The following EGFLAM variants were observed in gnomAD, a reference collection of about 807,000 sequenced individuals.
EGFLAM encodes the protein EGF like, fibronectin type III and laminin G domains.
EGFLAM carries 79 observed loss-of-function variants against 113.1 expected under a neutral mutation model. That is an observed-to-expected ratio of 0.70 (90% confidence interval 0.58 to 0.84). The LOEUF (loss-of-function observed/expected upper bound fraction) is 0.84, where lower values mean the gene tolerates loss of function less well. Ranked by LOEUF, EGFLAM falls within the 40% of genes least tolerant of loss-of-function variation. EGFLAM has a pLI of 0.00. For synonymous variants in EGFLAM, 504 were observed against 487.6 expected, an observed-to-expected ratio of 1.03 and a Z score of -0.44; for missense variants, 1,265 against 1,291.6, an observed-to-expected ratio of 0.98 and a Z score of 0.32.
In EGFLAM at chr5:38,445,692, C is replaced by T. The variant is rs116701004; in HGVS notation, c.2465-2609C>T. On this transcript the variant is annotated intron_variant, in intron 17 of 21. Coordinates refer to ENST00000322350, the MANE Select transcript of EGFLAM (RefSeq NM_152403.4). ...GGCACCGGGCAGAGTGTGGGAACTACTGCCTCAATAGTAAGTACAGTAAGT... is the reference window on the plus strand; with the variant it reads ...GGCACCGGGCAGAGTGTGGGAACTATTGCCTCAATAGTAAGTACAGTAAGT... 503 of 1,598,478 alleles carry T rather than the reference C, an allele frequency of 3.1e-4. 1 individual carries two copies. The African/African-American group carries it at 6.3e-3, about 20-fold the overall frequency.
intron 6 of EGFLAM, chr5:38,403,941 C>T: frequency 6.2e-7 from 1 of 1,613,082 alleles, no homozygotes; most frequent in South Asian, 1.1e-5. Context: ...AGGTGGACTA[C>T]TTTAAATAAA....
intron 1 of EGFLAM, among the ~76,000 whole-genome samples, chr5:38,292,848 C>T (rs1252580641): frequency 6.6e-6 from 1 of 152,146 alleles, no homozygotes; most frequent in East Asian, 1.9e-4. Flanking sequence ...ATAATTATTA[C>T]ACTAGATGAG....
intron 6 of EGFLAM, 58 bp from the exon 7 acceptor site, chr5:38,406,068 G>A: frequency 7.3e-7 from 1 of 1,377,224 alleles, no homozygotes; most frequent in Non-Finnish European, 1.0e-6. Flanking sequence ...AGTTAGGCTA[G>A]ACAATAGTGC....
At chr5:38,323,825 G>A (rs1738803251) in intron 1 of EGFLAM, among the ~76,000 whole-genome samples, 1 of 152,078 alleles carries the variant, frequency 6.6e-6, no homozygotes, top group Admixed American at 6.6e-5. Context: ...AAGGTGGGCG[G>A]ATCACTTGAG....
At chr5:38,328,383 A>G (rs751506681) in intron 1 of EGFLAM, among the ~76,000 whole-genome samples, 3 of 152,206 alleles carry the variant, frequency 2.0e-5, no homozygotes, top group Admixed American at 6.5e-5. Flanking sequence ...GCGGGGACAC[A>G]GATCCAAACC....
intron 6 of EGFLAM, among the ~76,000 whole-genome samples, chr5:38,404,613 G>A (rs1741220966): frequency 1.3e-5 from 2 of 152,200 alleles, no homozygotes; most frequent in African/African-American, 4.8e-5. Context: ...TTTAAGTTTA[G>A]TTTATGTTTT....
At chr5:38,428,188 T>G (rs886674416) in intron 14 of EGFLAM, among the ~76,000 whole-genome samples, 2 of 152,238 alleles carry the variant, frequency 1.3e-5, no homozygotes, top group African/African-American at 4.8e-5. Context: ...CAAAGAATAT[T>G]GCAAACTGTT....
At chr5:38,396,046 T>G (rs2112098746) in intron 6 of EGFLAM, among the ~76,000 whole-genome samples, 1 of 152,266 alleles carries the variant, frequency 6.6e-6, no homozygotes, top group South Asian at 2.1e-4. Context: ...GTGTTCACAT[T>G]CACTGTACCC....
At position 38,441,976 on chromosome 5, in the gene EGFLAM, A is replaced by G. The variant is rs543521782; in HGVS notation, c.2464+3521A>G. 1.1e-3 allele frequency among the ~76,000 whole-genome samples: 165 copies of G among 152,302 alleles called. 1 individual carries two copies. Among genetic ancestry groups the G allele is most frequent in the African/African-American group, 3.8e-3 (159 of 41,562 alleles). ...TAGCTGTTGAGACAAAGCTAGGCCT[A>G]GCGCCTGTACTCATCAGGGGCGCAC... is the stretch of plus-strand genomic sequence containing the variant. On this transcript the variant is annotated intron_variant, in intron 17 of 21. Coordinates refer to ENST00000322350, the MANE Select transcript of EGFLAM (RefSeq NM_152403.4).
At chr5:38,442,189 T>C (rs1161513929) in intron 17 of EGFLAM, among the ~76,000 whole-genome samples, 2 of 151,874 alleles carry the variant, frequency 1.3e-5, no homozygotes, top group Non-Finnish European at 2.9e-5. Context: ...GAAAACTCTG[T>C]ATATAAAACC....
At chr5:38,329,298 TAAATAAATA>T (rs1738977166) in intron 1 of EGFLAM, among the ~76,000 whole-genome samples, 45 of 10,084 alleles carry the variant, frequency 4.5e-3, no homozygotes, top group African/African-American at 0.042. Flanking sequence ...CAAAGATAAA[TAAATAAATA>T]AATAAATAAA....
intron 3 of EGFLAM, among the ~76,000 whole-genome samples, chr5:38,339,152 C>T (rs1037463915): frequency 1.1e-4 from 16 of 151,970 alleles, no homozygotes; most frequent in African/African-American, 3.9e-4. Flanking sequence ...TGTATCTTCC[C>T]AGCTGCCTGA....
At chr5:38,449,720 G>T (rs1742850993) in intron 18 of EGFLAM, among the ~76,000 whole-genome samples, 1 of 152,114 alleles carries the variant, frequency 6.6e-6, no homozygotes, top group Admixed American at 6.6e-5. Flanking sequence ...AAATGCATGT[G>T]TGTGAGGCTG....
chr5:38,400,142 C>G (rs1204957610), intron 6 of EGFLAM: 2 of 152,214 alleles, frequency 1.3e-5, no homozygotes, highest in Non-Finnish European at 2.9e-5. Flanking sequence ...TGCTCAAGGT[C>G]ACCCAAGCCA....
At chr5:38,448,505 C>T (rs1320479958) in intron 18 of EGFLAM, 126 bp downstream of exon 18, 1 of 942,194 alleles carries the variant, frequency 1.1e-6, no homozygotes, top group African/African-American at 1.7e-5. Context: ...CAGCCATGGC[C>T]TCAGGGGAAA....
At chr5:38,379,835 A>G (rs893308547) in intron 6 of EGFLAM, among the ~76,000 whole-genome samples, 11 of 152,114 alleles carry the variant, frequency 7.2e-5, no homozygotes, top group Non-Finnish European at 1.3e-4. Context: ...AAGGAAAAAA[A>G]AAAAAAAGAA....
chr5:38,458,972 CAA>C (rs1300336213), intron 20 of EGFLAM, among the ~76,000 whole-genome samples: 5 of 133,504 alleles, frequency 3.7e-5, no homozygotes, highest in Non-Finnish European at 1.6e-5. Flanking sequence ...GACCCCATCT[CAA>C]AAAAAAAAAA....
chr5:38,407,134 A>G lies in EGFLAM; in HGVS notation c.1135A>G (p.Ser379Gly), dbSNP rs1165043395. The G allele has an allele frequency of 9.3e-6, 15 of 1,612,032 alleles. No homozygotes were observed. The highest frequency in any genetic ancestry group is 1.2e-5 in the Non-Finnish European group (14 of 1,179,908). ...CQCTLGKGGE[S>G]CSEDIVIQYP... ...GTGCACCCTGGGCAAAGGTGGTGAG[A>G]GCTGCTCAGAAGGTAGGCCCTTGGG... The change falls in exon 8 of 22, where the codon AGC becomes GGC. Residue 379 changes from serine to glycine, a missense_variant. Physicochemically the swap from Ser to Gly is moderately conservative, Grantham distance 56. Coordinates refer to ENST00000322350, the MANE Select transcript of EGFLAM (RefSeq NM_152403.4).
At chr5:38,445,242 TATC>T (rs1463411384) in intron 17 of EGFLAM, among the ~76,000 whole-genome samples, 1 of 152,188 alleles carries the variant, frequency 6.6e-6, no homozygotes, top group Non-Finnish European at 1.5e-5. Context: ...CTAGCTGGCT[TATC>T]ATTCCTTTTT....
Sources: gnomAD v4.1 joint callset for allele counts (sites outside exome capture counted in the v4.1 genomes callset) on GRCh38, gnomAD v4.1.1 for gene constraint, MANE v1.5 for transcripts, NCBI Gene and HGNC (gene_info 2026-07-23, HGNC 2026-07-21) for gene names.